Variants in CSMD3 observed in about 807,000 individuals in gnomAD.
CSMD3 encodes the protein CUB and Sushi multiple domains 3, also known as CUB and sushi domain-containing protein 3.
Under a neutral mutation model 435.2 loss-of-function variants are expected in CSMD3, and 177 were observed. The ratio of observed to expected loss-of-function variants is 0.41; its 90% CI spans 0.36 to 0.46. CSMD3 has a LOEUF of 0.46. Among genes scored for constraint, CSMD3 ranks in the 20% least tolerant of loss-of-function variants. The pLI, the probability that CSMD3 is intolerant of heterozygous loss-of-function variation, is 0.34. For synonymous variants in CSMD3, 1,656 were observed against 1,520.5 expected (o/e 1.09, Z -2.07); for missense variants, 4,265 against 4,504.6 (o/e 0.95, Z 1.52).
intron 9 of CSMD3, 94 bp from the exon 10 acceptor site, chr8:112,921,845 T>C: frequency 1.1e-6 from 1 of 914,190 alleles, no homozygotes; most frequent in Non-Finnish European, 1.8e-6. Flanking sequence ...AGGTCAAATA[T>C]GTACTATAGT....
At chr8:113,300,928 C>T (rs1255822074) in intron 2 of CSMD3, among the ~76,000 whole-genome samples, 1 of 151,880 alleles carries the variant, frequency 6.6e-6, no homozygotes, top group Non-Finnish European at 1.5e-5. Flanking sequence ...AGCAATATGC[C>T]ACAGCATGGA....
At chr8:112,601,243 T>C (rs1467630799) in intron 22 of CSMD3, among the ~76,000 whole-genome samples, 1 of 152,086 alleles carries the variant, frequency 6.6e-6, no homozygotes, top group South Asian at 2.1e-4. Context: ...TAGCTAGTAG[T>C]AGTTGTGAAG....
intron 3 of CSMD3, among the ~76,000 whole-genome samples, chr8:113,267,911 C>T (rs1044977369): frequency 2.6e-5 from 4 of 151,042 alleles, no homozygotes; most frequent in African/African-American, 7.3e-5. Context: ...TGATACATGC[C>T]GAAATTATTT....
At chr8:112,972,835 T>A (rs931937543) in intron 7 of CSMD3, among the ~76,000 whole-genome samples, 1 of 151,852 alleles carries the variant, frequency 6.6e-6, no homozygotes, top group African/African-American at 2.4e-5. Context: ...GAGCTTAAAT[T>A]TTACAGGAAA....
chr8:113,198,249 A>G (rs775912506), intron 3 of CSMD3, among the ~76,000 whole-genome samples: 2 of 151,322 alleles, frequency 1.3e-5, no homozygotes, highest in African/African-American at 2.4e-5. Context: ...ACTGGAGATA[A>G]TAACTTCCAC....
At chr8:112,345,876 A>G (rs577384572) in intron 41 of CSMD3, among the ~76,000 whole-genome samples, 2 of 151,680 alleles carry the variant, frequency 1.3e-5, no homozygotes, top group African/African-American at 2.4e-5. Context: ...AAAAAAAAAT[A>G]TGCCCATATA....
chr8:112,910,780 G>T lies in CSMD3; in HGVS notation c.1633+10847C>A, dbSNP rs1247082029. The stretch of plus-strand genomic sequence containing the variant: ...GGCAAGCTTCCACTTTTCACATAAA[G>T]CCTCAGTTTTTTCACCTCATTATTT... On this transcript the variant is annotated intron_variant, in intron 10 of 70. Coordinates refer to ENST00000297405, the MANE Select transcript of CSMD3 (RefSeq NM_198123.2). Among the ~76,000 whole-genome samples the T allele has an allele frequency of 2.0e-5, 3 of 151,816 alleles. No homozygotes were observed. In the East Asian group the frequency reaches 5.8e-4, roughly 30 times the overall value.
chr8:112,319,834 G>A, intron 46 of CSMD3, 67 bp downstream of exon 46: 1 of 1,093,118 alleles, frequency 9.1e-7, no homozygotes, highest in Middle Eastern at 2.0e-4. Context: ...TCTGTATTTT[G>A]GCTTATTTTT....
chr8:113,296,537 CCAAA>C (rs1029086917), intron 2 of CSMD3, among the ~76,000 whole-genome samples: 3 of 151,914 alleles, frequency 2.0e-5, no homozygotes, highest in East Asian at 1.9e-4. Flanking sequence ...AAAAACCCAA[CCAAA>C]CAAACAAACA....
chr8:112,290,232 TC>T (rs968888803), intron 56 of CSMD3, among the ~76,000 whole-genome samples: 2 of 152,040 alleles, frequency 1.3e-5, no homozygotes, highest in African/African-American at 4.8e-5. Context: ...TTAGTTGTAC[TC>T]AGAGAAATAC....
chr8:113,126,235 C>T (rs906354400), intron 4 of CSMD3, among the ~76,000 whole-genome samples: 4 of 151,812 alleles, frequency 2.6e-5, no homozygotes, highest in African/African-American at 9.7e-5. Context: ...CAAACCCAGG[C>T]AGTCCAGCTC....
chr8:112,603,345 C>A (rs1832528856), intron 22 of CSMD3, among the ~76,000 whole-genome samples: 1 of 152,192 alleles, frequency 6.6e-6, no homozygotes, highest in Non-Finnish European at 1.5e-5. Flanking sequence ...CTGCACTATG[C>A]AGTTTACTGG....
intron 25 of CSMD3, 41 bp downstream of exon 25, chr8:112,556,722 T>C: frequency 6.6e-7 from 1 of 1,508,214 alleles, no homozygotes. Context: ...TGATAAAGTT[T>C]TCACAGAAAT....
Position 113,098,554 on chromosome 8 carries a change from T to C in CSMD3, c.917+202A>G, listed in dbSNP as rs3817438. 18 of 579,146 alleles carry C rather than the reference T, an allele frequency of 3.1e-5. No homozygotes were observed. The East Asian group carries it at 3.8e-4, about 12-fold the overall frequency. 35.9% of individuals were successfully genotyped at this position (579,146 alleles called of 1,614,324 possible). A position where few individuals can be genotyped will look rare whatever the true frequency, so the allele number is the denominator to read the frequency against. On this transcript the variant is annotated intron_variant, in intron 5 of 70. Coordinates refer to ENST00000297405, the MANE Select transcript of CSMD3 (RefSeq NM_198123.2). ...AATAGGAATAACTTTTATTTGTTTA[T>C]ACAAGTTTTGAATTTCATCTATTTT...
At chr8:113,069,283 C>T (rs2088997814) in intron 5 of CSMD3, among the ~76,000 whole-genome samples, 1 of 152,066 alleles carries the variant, frequency 6.6e-6, no homozygotes, top group Non-Finnish European at 1.5e-5. Context: ...GTGAAGGAAA[C>T]AAACACAGCA....
At chr8:113,296,100 G>A (rs2093719362) in intron 2 of CSMD3, among the ~76,000 whole-genome samples, 2 of 151,376 alleles carry the variant, frequency 1.3e-5, no homozygotes, top group African/African-American at 2.4e-5. Flanking sequence ...TGAACAATGA[G>A]AACACATGGA....
chr8:112,226,994 G>C (rs1173176168), intron 70 of CSMD3, among the ~76,000 whole-genome samples: 1 of 152,178 alleles, frequency 6.6e-6, no homozygotes, highest in Non-Finnish European at 1.5e-5. Context: ...TGCTGCTGCT[G>C]CTGTACAGAA....
intron 32 of CSMD3, among the ~76,000 whole-genome samples, chr8:112,454,552 T>G (rs1408511077): frequency 6.6e-6 from 1 of 152,110 alleles, no homozygotes; most frequent in East Asian, 1.9e-4. Context: ...CCATCTCACA[T>G]TAGTCAGAAT....
intron 25 of CSMD3, among the ~76,000 whole-genome samples, chr8:112,555,065 C>A (rs910018472): frequency 2.6e-5 from 4 of 151,872 alleles, no homozygotes; most frequent in African/African-American, 7.2e-5. Flanking sequence ...CTGTTTATAG[C>A]TGCTAAATTT....
Sources: allele counts gnomAD v4.1 joint callset (sites outside exome capture counted in the v4.1 genomes callset), GRCh38; gene constraint gnomAD v4.1.1; transcripts MANE v1.5; gene names NCBI Gene and HGNC (gene_info 2026-07-23, HGNC 2026-07-21).